Variants in TTC28 observed in about 807,000 individuals in gnomAD.
The protein encoded by TTC28 is tetratricopeptide repeat protein 28.
A neutral mutation model predicts 198.0 loss-of-function variants in TTC28; 61 were observed. That is an observed-to-expected ratio of 0.31 (90% CI 0.25 to 0.38). TTC28 has a LOEUF of 0.38. Ranked by LOEUF, TTC28 falls within the 10% of genes least tolerant of loss-of-function variation. The probability of loss-of-function intolerance (pLI) is 1.00; values close to 1 mark genes in which losing one functional copy is unlikely to be tolerated. For missense variants in TTC28, 2,678 were observed against 3,164.0 expected, an observed-to-expected ratio of 0.85 and a Z score of 3.69; for synonymous variants, 1,171 against 1,297.8, an observed-to-expected ratio of 0.90 and a Z score of 2.10.
Position 28,105,355 on chromosome 22 carries a change from C to T in TTC28, c.3231G>A (p.Thr1077=), listed in dbSNP as rs1471587416. 3 of 1,551,680 alleles carry T rather than the reference C, an allele frequency of 1.9e-6. No homozygotes were observed. Among genetic ancestry groups the T allele is most frequent in the Non-Finnish European group, 2.6e-6 (3 of 1,146,982 alleles). Residue 1077 remains threonine (T), a synonymous_variant, in exon 8 of 23, where the codon ACG becomes ACA. Transcript: ENST00000397906. ...AAQMNDLAAK[T]VSYSSLGRTH... is the part of the protein sequence containing the mutation. Reference sequence around the variant, plus strand: ...TCCTTCCAAGGCTACTATATGACACCGTCTTGGCCGCCAAGTCATTCATCT... The same window carrying T: ...TCCTTCCAAGGCTACTATATGACACTGTCTTGGCCGCCAAGTCATTCATCT...
At chr22:28,326,975 A>AC (rs2045541028) in intron 2 of TTC28, among the ~76,000 whole-genome samples, 5 of 142,842 alleles carry the variant, frequency 3.5e-5, no homozygotes, top group African/African-American at 5.4e-5. Flanking sequence ...CACAAACACA[A>AC]ACACACACAC....
intron 15 of TTC28, chr22:27,999,552 C>T (rs942215978): frequency 2.6e-5 from 10 of 389,988 alleles, no homozygotes; most frequent in Non-Finnish European, 3.2e-5. Flanking sequence ...GGACAGAGGC[C>T]GTGGAACCCA....
At chr22:28,089,001 A>G (rs1941721190) in intron 12 of TTC28, among the ~76,000 whole-genome samples, 1 of 152,192 alleles carries the variant, frequency 6.6e-6, no homozygotes, top group Non-Finnish European at 1.5e-5. Flanking sequence ...AATCATTAAA[A>G]AGTCAGGAAA....
intron 5 of TTC28, among the ~76,000 whole-genome samples, chr22:28,168,341 C>T (rs1445537783): frequency 6.6e-6 from 1 of 151,998 alleles, no homozygotes; most frequent in Non-Finnish European, 1.5e-5. Context: ...CATATGGAAC[C>T]AAAAAAGAGC....
chr22:28,194,671 C>T (rs1403387541), intron 5 of TTC28, among the ~76,000 whole-genome samples: 2 of 150,786 alleles, frequency 1.3e-5, no homozygotes, highest in African/African-American at 4.9e-5. Context: ...CGGAAATAAA[C>T]TAGAAAATCT....
intron 2 of TTC28, among the ~76,000 whole-genome samples, chr22:28,358,202 G>A (rs1601684214): frequency 6.6e-6 from 1 of 152,136 alleles, no homozygotes; most frequent in East Asian, 1.9e-4. Flanking sequence ...GAACTAATAT[G>A]CATGTGTTAC....
At chr22:28,012,815 T>A (rs938748961) in intron 14 of TTC28, among the ~76,000 whole-genome samples, 1 of 152,142 alleles carries the variant, frequency 6.6e-6, no homozygotes, top group Admixed American at 6.5e-5. Flanking sequence ...CTTGGCCAGG[T>A]GCTTTACACA....
At chr22:28,428,241 T>C (rs905826195) in intron 2 of TTC28, among the ~76,000 whole-genome samples, 2 of 151,584 alleles carry the variant, frequency 1.3e-5, no homozygotes, top group Non-Finnish European at 2.9e-5. Flanking sequence ...TCAGAGAAAA[T>C]CAAGCTATGG....
At position 28,443,398 on chromosome 22, in the gene TTC28, A is replaced by AT. The variant is rs1300194882; in HGVS notation, c.382-136756dup. On this transcript the variant is annotated intron_variant, in intron 2 of 22. Transcript: ENST00000397906. ...GAGCAATTCCCACAATTCTGGGTGT[A>AT]TTTCTCGTTTGTAAAATTTAGCAAA... Among the ~76,000 whole-genome samples, 3 of 152,194 alleles carry AT rather than the reference A, an allele frequency of 2.0e-5. No individual in the cohort carries two copies. The South Asian group carries it at 6.2e-4, about 31-fold the overall frequency.
rs1456688682 is a variant in TTC28 at position 27,983,468 on chromosome 22, A to C, written c.6199T>G (p.Leu2067Val). 2 of 1,545,976 alleles carry C rather than the reference A, an allele frequency of 1.3e-6. No individual in the cohort carries two copies. The highest frequency in any genetic ancestry group is 2.8e-5 in the African/African-American group (2 of 72,340). ...EGFSIISNEP[L>V]ATYQENRNTC... ...TTTCGGTTTTCTTGGTAGGTCGCCA[A>C]GGGCTCGTTACTGATGATAGAAAAC... The change falls in exon 23 of 23, where the codon TTG (leucine) becomes GTG (valine). Residue 2067 changes from leucine to valine, a missense_variant. By Grantham distance (32) the Leu-to-Val change is conservative. Transcript: ENST00000397906.
intron 2 of TTC28, among the ~76,000 whole-genome samples, chr22:28,428,607 ATTATTTTATTTTATTTTATT>A (rs202173981): frequency 0.021 from 2,980 of 142,220 alleles, 31 homozygotes; most frequent in Non-Finnish European, 0.028. Context: ...TTCATGAATT[ATTATTTTATTTTATTTTATT>A]TTATTTTATT....
chr22:28,030,221 C>T lies in TTC28; in HGVS notation c.4073+5G>A. On this transcript the variant is annotated splice_donor_5th_base_variant and intron_variant, in intron 13 of 22. Coordinates refer to ENST00000397906, the MANE Select transcript of TTC28 (RefSeq NM_001145418.2). ...CTGGGCCTGGGGAAAGCGCCCCACA[C>T]TCACCTGTTAAACAGGTTATTGCGG... 1.9e-6 allele frequency: 3 copies of T among 1,551,586 alleles called. No homozygotes were observed. Among genetic ancestry groups the T allele is most frequent in the Non-Finnish European group, 2.6e-6 (3 of 1,146,954 alleles).
intron 2 of TTC28, among the ~76,000 whole-genome samples, chr22:28,417,918 T>C (rs1249186128): frequency 6.6e-6 from 1 of 152,224 alleles, no homozygotes. Flanking sequence ...AGTACACTAC[T>C]CTTTGGTTTC....
Position 28,163,256 on chromosome 22 carries a change from T to A in TTC28, c.1277A>T (p.Glu426Val). 6.4e-7 allele frequency: 1 copy of A among 1,551,782 alleles called. No homozygotes were observed. Among genetic ancestry groups the A allele is most frequent in the Non-Finnish European group, 8.7e-7 (1 of 1,147,014 alleles). Residue 426 changes from glutamate to valine, a missense_variant, in exon 6 of 23, where the codon GAG (glutamate) becomes GTG (valine). Physicochemically the swap from Glu to Val is moderately radical, Grantham distance 121. Around this residue, in one of 8 missense-constraint regions of TTC28, gnomAD observed 775 missense variants for 845.9 expected, o/e 0.92. Coordinates refer to ENST00000397906, the MANE Select transcript of TTC28 (RefSeq NM_001145418.2). ...YHNYVLELAQ[E>V]LMEKAIEMRA... ...CATCTCAATAGCCTTCTCCATCAAC[T>A]CCTGTGCCAGCTCCAGGACATAGTT...
At chr22:28,576,014 G>C (rs2050142878) in intron 2 of TTC28, among the ~76,000 whole-genome samples, 1 of 151,956 alleles carries the variant, frequency 6.6e-6, no homozygotes. Flanking sequence ...CTGATAGCTA[G>C]GACTTCCAGT....
At chr22:28,537,740 A>G (rs2049327071) in intron 2 of TTC28, among the ~76,000 whole-genome samples, 1 of 152,238 alleles carries the variant, frequency 6.6e-6, no homozygotes, top group Non-Finnish European at 1.5e-5. Flanking sequence ...GCTGGTTAAC[A>G]CTCTATTAAC....
At chr22:28,346,803 G>T (rs1484605140) in intron 2 of TTC28, among the ~76,000 whole-genome samples, 1 of 152,124 alleles carries the variant, frequency 6.6e-6, no homozygotes, top group Non-Finnish European at 1.5e-5. Flanking sequence ...TGGGAGATAG[G>T]GTAGGAAGTA....
At chr22:28,384,587 A>G (rs1478800405) in intron 2 of TTC28, among the ~76,000 whole-genome samples, 1 of 152,240 alleles carries the variant, frequency 6.6e-6, no homozygotes, top group Non-Finnish European at 1.5e-5. Context: ...TATGCATTCA[A>G]TACGTGGTGA....
intron 2 of TTC28, among the ~76,000 whole-genome samples, chr22:28,539,052 C>A (rs1881512866): frequency 6.6e-6 from 1 of 152,120 alleles, no homozygotes; most frequent in African/African-American, 2.4e-5. Flanking sequence ...GGTCAACTTG[C>A]CAGATAGACT....
Sources: allele counts gnomAD v4.1 joint callset (sites outside exome capture counted in the v4.1 genomes callset), GRCh38; gene constraint gnomAD v4.1.1; regional missense constraint gnomAD v4.1.1; transcripts MANE v1.5; gene names NCBI Gene and HGNC (gene_info 2026-07-23, HGNC 2026-07-21).